The following ARHGAP10 variants were observed in gnomAD, a reference collection of about 807,000 sequenced individuals.
The protein encoded by ARHGAP10 is Rho GTPase activating protein 10, also known as rho GTPase-activating protein 10.
ARHGAP10 carries 87 observed loss-of-function variants against 108.6 expected under a neutral mutation model. The ratio of observed to expected loss-of-function variants is 0.80; its 90% CI spans 0.67 to 0.96. The LOEUF (loss-of-function observed/expected upper bound fraction) is 0.96. ARHGAP10 is among the 40% of genes least tolerant of loss of function. ARHGAP10 has a pLI of 0.00. For synonymous variants in ARHGAP10, 347 were observed against 341.1 expected, an observed-to-expected ratio of 1.02 and a Z score of -0.19; for missense variants, 939 against 954.5, an observed-to-expected ratio of 0.98 and a Z score of 0.21.
chr4:147,866,817 G>A lies in ARHGAP10; in HGVS notation c.702+1G>A, dbSNP rs759592358. 1.3e-6 allele frequency: 2 copies of A among 1,593,242 alleles called. No homozygotes were observed. Among genetic ancestry groups the A allele is most frequent in the Non-Finnish European group, 1.7e-6 (2 of 1,163,354 alleles). On this transcript the variant is annotated splice_donor_variant, in intron 7 of 22. Coordinates refer to ENST00000336498, the MANE Select transcript of ARHGAP10 (RefSeq NM_024605.4). LOFTEE classifies it high-confidence loss of function. ...GGAACTACAGATCAACATTCAGAAT[G>A]TAAGGAAGTGAAAGCTTTCTTTATA...
intron 16 of ARHGAP10, among the ~76,000 whole-genome samples, chr4:147,961,496 C>T (rs1158011058): frequency 6.6e-6 from 1 of 152,028 alleles, no homozygotes; most frequent in African/African-American, 2.4e-5. Flanking sequence ...AGGTCATTTT[C>T]TCTGTGTTGT....
chr4:147,865,304 C>T (rs551866648), intron 6 of ARHGAP10: 12 of 168,502 alleles, frequency 7.1e-5, no homozygotes, highest in South Asian at 1.6e-4. Context: ...TTGTTTATAC[C>T]GGTTCAAACT....
chr4:148,030,782 C>T (rs1560883459), intron 19 of ARHGAP10, among the ~76,000 whole-genome samples: 1 of 152,062 alleles, frequency 6.6e-6, no homozygotes, highest in Non-Finnish European at 1.5e-5. Flanking sequence ...AGCCTGGTTC[C>T]CTCTGCATGC....
chr4:147,847,428 C>G (rs1017540141), intron 4 of ARHGAP10, among the ~76,000 whole-genome samples: 5 of 152,212 alleles, frequency 3.3e-5, no homozygotes, highest in African/African-American at 4.8e-5. Flanking sequence ...CTCTAGTAAT[C>G]TTCTTGGGCT....
intron 18 of ARHGAP10, among the ~76,000 whole-genome samples, chr4:147,993,359 A>T (rs575812719): frequency 6.6e-6 from 1 of 152,374 alleles, no homozygotes; most frequent in South Asian, 2.1e-4. Context: ...GTGATGATGT[A>T]TGTAGGAGTT....
At chr4:147,889,249 G>T (rs552377040) in intron 10 of ARHGAP10, among the ~76,000 whole-genome samples, 3 of 152,158 alleles carry the variant, frequency 2.0e-5, no homozygotes, top group African/African-American at 7.2e-5. Flanking sequence ...TGTGGAGTTT[G>T]TGGGTATTAT....
At position 147,856,362 on chromosome 4, in the gene ARHGAP10, G is replaced by A. The variant is rs10016720; in HGVS notation, c.385-1191G>A. 8.9e-3 allele frequency among the ~76,000 whole-genome samples: 1,349 copies of A among 152,168 alleles called. 18 individuals are homozygous for A. Among genetic ancestry groups the A allele is most frequent in the African/African-American group, 0.03 (1,265 of 41,512 alleles). On this transcript the variant is annotated intron_variant, in intron 4 of 22. Coordinates refer to ENST00000336498, the MANE Select transcript of ARHGAP10 (RefSeq NM_024605.4). ...CCTATTGATACGTATTTTAAATAGC[G>A]TTACAGAAATCACTGGAAAGGTTTG... is the stretch of plus-strand genomic sequence containing the variant.
intron 3 of ARHGAP10, among the ~76,000 whole-genome samples, chr4:147,823,180 A>C (rs1732576348): frequency 6.6e-6 from 1 of 152,192 alleles, no homozygotes; most frequent in African/African-American, 2.4e-5. Context: ...CCAAGGCCTT[A>C]CTTCTTCATC....
At chr4:147,768,208 G>T (rs1477463745) in intron 1 of ARHGAP10, among the ~76,000 whole-genome samples, 1 of 152,112 alleles carries the variant, frequency 6.6e-6, no homozygotes, top group Non-Finnish European at 1.5e-5. Context: ...ACTGTGAGTG[G>T]CATCTTCTTC....
At chr4:147,870,162 T>C (rs1037409744) in intron 7 of ARHGAP10, among the ~76,000 whole-genome samples, 1 of 151,846 alleles carries the variant, frequency 6.6e-6, no homozygotes, top group Non-Finnish European at 1.5e-5. Flanking sequence ...GCCATCCTCC[T>C]GCCTGTAGTC....
Position 147,834,870 on chromosome 4 carries a change from A to G in ARHGAP10, c.312+11913A>G, listed in dbSNP as rs1034133022. Among the ~76,000 whole-genome samples, 21 of 147,266 alleles carry G rather than the reference A, an allele frequency of 1.4e-4. 1 individual carries two copies. The highest frequency in any genetic ancestry group is 2.6e-4 in the Non-Finnish European group (17 of 66,604). On this transcript the variant is annotated intron_variant, in intron 3 of 22. Coordinates refer to ENST00000336498, the MANE Select transcript of ARHGAP10 (RefSeq NM_024605.4). ...TCCAGTCTTCCCTGGCTCCCTCCCC[A>G]TTTTCTCTCACAGATGTTTCCCCTA...
At chr4:147,979,734 C>CA (rs1739740354) in intron 18 of ARHGAP10, among the ~76,000 whole-genome samples, 2 of 152,242 alleles carry the variant, frequency 1.3e-5, no homozygotes, top group East Asian at 3.9e-4. Flanking sequence ...TAGTTCTTCT[C>CA]ACGGACATCA....
intron 1 of ARHGAP10, among the ~76,000 whole-genome samples, chr4:147,809,477 T>A (rs1731924280): frequency 6.6e-6 from 1 of 152,236 alleles, no homozygotes; most frequent in Non-Finnish European, 1.5e-5. Flanking sequence ...ATTATTTTCC[T>A]TCACTGCAAT....
chr4:148,062,980 T>A (rs1729686799), intron 20 of ARHGAP10, among the ~76,000 whole-genome samples, 168 bp from the exon 21 acceptor site: 1 of 152,100 alleles, frequency 6.6e-6, no homozygotes, highest in Non-Finnish European at 1.5e-5. Context: ...GTTGTTGGTA[T>A]CCGTAGTTTG....
At chr4:148,040,168 A>T (rs185915387) in intron 19 of ARHGAP10, among the ~76,000 whole-genome samples, 8 of 152,278 alleles carry the variant, frequency 5.3e-5, no homozygotes, top group African/African-American at 1.9e-4. Flanking sequence ...TGTCCTTGGG[A>T]TAGGCCAAAT....
intron 1 of ARHGAP10, among the ~76,000 whole-genome samples, chr4:147,814,728 T>G (rs1358631223): frequency 2.6e-5 from 4 of 152,216 alleles, no homozygotes; most frequent in Non-Finnish European, 2.9e-5. Flanking sequence ...TTTGAAATAG[T>G]GTTCTCATCT....
chr4:147,893,063 A>AC (rs1553960625), intron 10 of ARHGAP10, among the ~76,000 whole-genome samples: 7,673 of 147,082 alleles, frequency 0.052, 618 homozygotes, highest in African/African-American at 0.18. Flanking sequence ...ATGGAAGTAA[A>AC]TTTTTTTTTT....
intron 19 of ARHGAP10, among the ~76,000 whole-genome samples, chr4:148,027,064 G>A (rs1382893378): frequency 6.6e-6 from 1 of 152,190 alleles, no homozygotes; most frequent in Non-Finnish European, 1.5e-5. Flanking sequence ...TGAGATCAAA[G>A]TGATCTTTGT....
chr4:147,809,852 C>A (rs1224285408), intron 1 of ARHGAP10, among the ~76,000 whole-genome samples: 4 of 152,138 alleles, frequency 2.6e-5, no homozygotes, highest in Non-Finnish European at 5.9e-5. Flanking sequence ...AATCTAATGC[C>A]CCTGCTGATC....
Sources: gnomAD v4.1 joint callset for allele counts (sites outside exome capture counted in the v4.1 genomes callset) on GRCh38, gnomAD v4.1.1 for gene constraint, MANE v1.5 for transcripts, NCBI Gene and HGNC (gene_info 2026-07-23, HGNC 2026-07-21) for gene names.